The following RNF216 variants were observed in gnomAD, a reference collection of about 807,000 sequenced individuals.
RNF216 encodes the protein E3 ubiquitin-protein ligase RNF216.
In RNF216, 72 loss-of-function variants were observed where a neutral mutation model predicts 110.8. That is an observed-to-expected ratio of 0.65 (90% CI 0.54 to 0.79). The LOEUF is 0.79. RNF216 is among the 30% of genes least tolerant of loss of function. RNF216 has a pLI of 0.00. For synonymous variants in RNF216, 495 were observed against 407.5 expected (o/e 1.21, Z -2.59); for missense variants, 1,342 against 1,141.2 (o/e 1.18, Z -2.54).
intron 13 of RNF216, among the ~76,000 whole-genome samples, chr7:5,694,978 T>A (rs1337626479): frequency 6.6e-6 from 1 of 152,222 alleles, no homozygotes; most frequent in Non-Finnish European, 1.5e-5. Flanking sequence ...AACTAAGAAC[T>A]GTATTTCTAT....
intron 14 of RNF216, among the ~76,000 whole-genome samples, chr7:5,647,328 C>CTTTTTTTTTTT (rs10617479): frequency 1.1e-5 from 1 of 94,812 alleles, no homozygotes; most frequent in Non-Finnish European, 2.1e-5. Context: ...TTCTTTCTTT[C>CTTTTTTTTTTT]TTTTTTTTTT....
At chr7:5,666,974 C>G (rs544521471) in intron 13 of RNF216, among the ~76,000 whole-genome samples, 1 of 152,092 alleles carries the variant, frequency 6.6e-6, no homozygotes, top group African/African-American at 2.4e-5. Flanking sequence ...GCCACCATAC[C>G]TGGCTAATTT....
chr7:5,757,215 A>G (rs1221241121), intron 2 of RNF216, among the ~76,000 whole-genome samples: 2 of 152,144 alleles, frequency 1.3e-5, no homozygotes, highest in Admixed American at 6.5e-5. Context: ...TCCCCACTAT[A>G]ATGGTGGATT....
intron 1 of RNF216, chr7:5,774,863 T>G (rs1388481180): frequency 6.6e-6 from 1 of 152,098 alleles, no homozygotes; most frequent in Non-Finnish European, 1.5e-5. Flanking sequence ...GTTCAAGTGA[T>G]TCTCCTGTCT....
At chr7:5,708,638 G>T (rs1326269548) in intron 13 of RNF216, among the ~76,000 whole-genome samples, 1 of 152,186 alleles carries the variant, frequency 6.6e-6, no homozygotes, top group African/African-American at 2.4e-5. Context: ...TAATATAAGT[G>T]CTCAGGCTTT....
At chr7:5,654,640 T>C (rs1788614136) in intron 13 of RNF216, among the ~76,000 whole-genome samples, 1 of 126,918 alleles carries the variant, frequency 7.9e-6, no homozygotes, top group African/African-American at 3.1e-5. Flanking sequence ...TGGGCAGAGA[T>C]GGCACCACTG....
intron 13 of RNF216, among the ~76,000 whole-genome samples, chr7:5,677,720 C>T (rs1030217481): frequency 2.6e-5 from 4 of 152,234 alleles, no homozygotes; most frequent in African/African-American, 9.6e-5. Context: ...TTCTCCACTT[C>T]CTGTGCAGAG....
chr7:5,695,735 TCA>T (rs957038065), intron 13 of RNF216, among the ~76,000 whole-genome samples: 57 of 152,210 alleles, frequency 3.7e-4, no homozygotes, highest in African/African-American at 1.4e-3. Flanking sequence ...CACCAGGCAT[TCA>T]CAGAGGGAAA....
intron 1 of RNF216, among the ~76,000 whole-genome samples, chr7:5,769,882 C>T (rs1429739771): frequency 6.7e-6 from 1 of 149,576 alleles, no homozygotes; most frequent in African/African-American, 2.5e-5. Flanking sequence ...ATTAAAAATA[C>T]AAAAATTAGC....
intron 7 of RNF216, among the ~76,000 whole-genome samples, chr7:5,727,887 G>C (rs953600713): frequency 6.6e-6 from 1 of 151,276 alleles, no homozygotes; most frequent in Non-Finnish European, 1.5e-5. Context: ...TGGCTGGTGA[G>C]ATTTTCCATA....
At position 5,741,382 on chromosome 7, in the gene RNF216, A is replaced by G; in HGVS notation, c.635T>C (p.Leu212Pro). The G allele has an allele frequency of 6.2e-7, 1 of 1,614,168 alleles. No homozygotes were observed. Among genetic ancestry groups the G allele is most frequent in the African/African-American group, 1.3e-5 (1 of 75,036 alleles). The change falls in exon 4 of 17, where the codon CTA (leucine) becomes CCA (proline). Residue 212 changes from leucine (L) to proline (P), a missense_variant. Transcript: ENST00000389902. ...ATCTGCTAGAGCAGCTGACTCTCCTAGATTTGATAACAGCTCTGTCTCTGA... is the reference window on the plus strand; with the variant it reads ...ATCTGCTAGAGCAGCTGACTCTCCTGGATTTGATAACAGCTCTGTCTCTGA... Reference protein sequence around the residue: ...EDSETELLSNLGESAALADDQ... With the variant: ...EDSETELLSNPGESAALADDQ...
At chr7:5,649,357 G>A (rs1277532349) in intron 14 of RNF216, among the ~76,000 whole-genome samples, 1 of 150,036 alleles carries the variant, frequency 6.7e-6, no homozygotes, top group Non-Finnish European at 1.5e-5. Flanking sequence ...CTCTAACCTA[G>A]GTGACAGACG....
intron 13 of RNF216, among the ~76,000 whole-genome samples, chr7:5,701,080 T>G (rs1358184769): frequency 6.6e-6 from 1 of 151,838 alleles, no homozygotes; most frequent in African/African-American, 2.4e-5. Context: ...GGACAGAGAG[T>G]GCAGACCCTG....
At chr7:5,654,686 C>CAAAAAAA (rs397891078) in intron 13 of RNF216, among the ~76,000 whole-genome samples, 9 of 26,506 alleles carry the variant, frequency 3.4e-4, no homozygotes, top group Non-Finnish European at 5.1e-4. Flanking sequence ...GACTCCGCCT[C>CAAAAAAA]AAAAAAAAAA....
intron 13 of RNF216, among the ~76,000 whole-genome samples, chr7:5,711,261 A>T (rs1364687696): frequency 6.6e-6 from 1 of 152,222 alleles, no homozygotes; most frequent in African/African-American, 2.4e-5. Context: ...GCTCCCACGT[A>T]ATATAGTCAG....
chr7:5,765,966 AAGAAAG>A (rs1381043764), intron 1 of RNF216, among the ~76,000 whole-genome samples: 1 of 129,472 alleles, frequency 7.7e-6, no homozygotes, highest in African/African-American at 3.1e-5. Flanking sequence ...AAAAAAAAAA[AAGAAAG>A]AAAGAAATAG....
intron 1 of RNF216, 74 bp from the exon 2 acceptor site, chr7:5,761,212 A>C (rs1386629664): frequency 1.1e-5 from 6 of 550,138 alleles, no homozygotes; most frequent in Middle Eastern, 4.1e-4. Flanking sequence ...GGTCAGGGGA[A>C]CATCTGAAGC....
intron 3 of RNF216, among the ~76,000 whole-genome samples, chr7:5,742,822 C>G (rs1163932894): frequency 1.3e-5 from 2 of 152,054 alleles, no homozygotes; most frequent in African/African-American, 4.8e-5. Context: ...TCTTGAACTC[C>G]TGACCTCAGA....
intron 15 of RNF216, among the ~76,000 whole-genome samples, chr7:5,632,126 A>G (rs929255231): frequency 6.6e-6 from 1 of 152,222 alleles, no homozygotes; most frequent in African/African-American, 2.4e-5. Context: ...CACCCTGGAC[A>G]GCGGTCTATA....
Sources: allele counts gnomAD v4.1 joint callset (sites outside exome capture counted in the v4.1 genomes callset), GRCh38; gene constraint gnomAD v4.1.1; transcripts MANE v1.5; gene names NCBI Gene and HGNC (gene_info 2026-07-23, HGNC 2026-07-21).